The following KCNQ5 variants were observed in gnomAD, a reference collection of about 807,000 sequenced individuals.
The protein encoded by KCNQ5 is potassium voltage-gated channel subfamily KQT member 5.
In KCNQ5, 30 loss-of-function variants were observed where a neutral mutation model predicts 98.2. That is an observed-to-expected ratio of 0.31 (90% CI 0.23 to 0.41). KCNQ5 has a LOEUF of 0.41. Among genes scored for constraint, KCNQ5 ranks in the 10% least tolerant of loss-of-function variants. The pLI is 1.00. For synonymous variants in KCNQ5, 458 were observed against 449.4 expected (o/e 1.02, Z -0.24); for missense variants, 835 against 1,182.5 (o/e 0.71, Z 4.31).
chr6:72,956,650 C>T (rs549547111), intron 1 of KCNQ5, among the ~76,000 whole-genome samples: 2 of 151,336 alleles, frequency 1.3e-5, no homozygotes, highest in South Asian at 2.1e-4. Context: ...AAACTATCCT[C>T]CCACCTCCAC....
In KCNQ5 at chr6:73,078,377, A is replaced by T. The variant is rs988850775; in HGVS notation, c.918+490A>T. 2.0e-5 allele frequency among the ~76,000 whole-genome samples: 3 copies of T among 152,230 alleles called. No individual in the cohort carries two copies. In the East Asian group the frequency reaches 5.8e-4, roughly 29 times the overall value. On this transcript the variant is annotated intron_variant, in intron 5 of 13. Transcript: ENST00000370398. ...GAGATTATAGTCACCTAATTTCAAAACTTTCCTCTCAAAACCTACTTTTTC... is the reference window on the plus strand; with the variant it reads ...GAGATTATAGTCACCTAATTTCAAATCTTTCCTCTCAAAACCTACTTTTTC...
At chr6:73,087,568 C>T (rs1774041440) in intron 5 of KCNQ5, among the ~76,000 whole-genome samples, 1 of 151,808 alleles carries the variant, frequency 6.6e-6, no homozygotes, top group Admixed American at 6.6e-5. Context: ...GCATTTAAAT[C>T]TATGAGAACA....
chr6:72,963,081 C>A (rs1767451685), intron 1 of KCNQ5, among the ~76,000 whole-genome samples: 1 of 152,102 alleles, frequency 6.6e-6, no homozygotes, highest in African/African-American at 2.4e-5. Flanking sequence ...AGTTAATTTA[C>A]ATATTTACAA....
intron 1 of KCNQ5, among the ~76,000 whole-genome samples, chr6:72,665,164 G>A (rs13208048): frequency 0.37 from 55,503 of 151,604 alleles, 12,411 homozygotes; most frequent in Non-Finnish European, 0.5. Flanking sequence ...CCTGGCCAAC[G>A]TGGTGAAACC....
intron 1 of KCNQ5, among the ~76,000 whole-genome samples, chr6:72,823,099 T>C (rs1333247867): frequency 6.6e-6 from 1 of 152,174 alleles, no homozygotes; most frequent in Non-Finnish European, 1.5e-5. Context: ...TATTTATAGG[T>C]TCCAGGGATT....
intron 5 of KCNQ5, among the ~76,000 whole-genome samples, chr6:73,083,083 G>C (rs1407845597): frequency 1.3e-5 from 2 of 151,936 alleles, no homozygotes; most frequent in East Asian, 3.9e-4. Context: ...TTGAAGAAAA[G>C]GGGTCTCACC....
intron 1 of KCNQ5, among the ~76,000 whole-genome samples, chr6:72,774,298 C>A (rs1773057313): frequency 6.6e-6 from 1 of 152,012 alleles, no homozygotes; most frequent in Non-Finnish European, 1.5e-5. Flanking sequence ...AATATATAAG[C>A]AGATTAGCCT....
chr6:73,123,923 C>A (rs1775844650), intron 8 of KCNQ5, among the ~76,000 whole-genome samples: 1 of 152,190 alleles, frequency 6.6e-6, no homozygotes, highest in Admixed American at 6.5e-5. Flanking sequence ...GGTGCTTAGA[C>A]CTACATTTGC....
chr6:73,029,127 G>A (rs1459198436), intron 2 of KCNQ5, among the ~76,000 whole-genome samples: 1 of 152,172 alleles, frequency 6.6e-6, no homozygotes, highest in Non-Finnish European at 1.5e-5. Flanking sequence ...GTGTATGACA[G>A]CAATAATATT....
intron 11 of KCNQ5, among the ~76,000 whole-genome samples, 200 bp from the exon 12 acceptor site, chr6:73,190,373 T>C (rs1027132597): frequency 5.3e-5 from 8 of 152,228 alleles, no homozygotes; most frequent in African/African-American, 1.7e-4. Context: ...TTTCTATTCT[T>C]AAGGTGTTGT....
intron 1 of KCNQ5, among the ~76,000 whole-genome samples, chr6:72,745,062 A>C (rs1443697206): frequency 6.6e-6 from 1 of 152,224 alleles, no homozygotes; most frequent in Non-Finnish European, 1.5e-5. Context: ...AAGGCTATTA[A>C]TGACTACATT....
intron 2 of KCNQ5, among the ~76,000 whole-genome samples, chr6:73,038,353 T>TGC (rs1771534585): frequency 6.6e-6 from 1 of 151,864 alleles, no homozygotes; most frequent in Admixed American, 6.6e-5. Context: ...ACTGCATGTT[T>TGC]TTTTTTTCTT....
At chr6:72,990,262 C>A (rs1769025248) in intron 1 of KCNQ5, among the ~76,000 whole-genome samples, 1 of 88,734 alleles carries the variant, frequency 1.1e-5, no homozygotes, top group Non-Finnish European at 2.2e-5. Context: ...TGGCCATTTT[C>A]ACGATATTGA....
At chr6:72,659,029 C>T (rs911819121) in intron 1 of KCNQ5, among the ~76,000 whole-genome samples, 2 of 152,074 alleles carry the variant, frequency 1.3e-5, no homozygotes, top group East Asian at 1.9e-4. Context: ...AGCAGTTAGG[C>T]GGATATTGTA....
intron 5 of KCNQ5, among the ~76,000 whole-genome samples, chr6:73,097,135 T>C (rs1278322301): frequency 2.6e-5 from 1 of 38,574 alleles, no homozygotes; most frequent in Non-Finnish European, 1.2e-4. Context: ...CACTGTGCAA[T>C]AGATCTCATA....
intron 1 of KCNQ5, among the ~76,000 whole-genome samples, chr6:72,909,695 C>T (rs1226415479): frequency 6.6e-6 from 1 of 152,276 alleles, no homozygotes; most frequent in South Asian, 2.1e-4. Flanking sequence ...CCTCACTCAT[C>T]ATGTGCCTAT....
intron 10 of KCNQ5, among the ~76,000 whole-genome samples, chr6:73,139,358 G>T (rs535362941): frequency 6.6e-6 from 1 of 152,330 alleles, no homozygotes; most frequent in South Asian, 2.1e-4. Context: ...ATGATCAAGT[G>T]TGGGGGGAAG....
At chr6:73,149,653 T>C (rs977875356) in intron 10 of KCNQ5, among the ~76,000 whole-genome samples, 1 of 152,020 alleles carries the variant, frequency 6.6e-6, no homozygotes, top group Non-Finnish European at 1.5e-5. Context: ...AAAAATTAGC[T>C]GGGCGATGTG....
intron 1 of KCNQ5, among the ~76,000 whole-genome samples, chr6:72,706,332 A>G (rs1193902543): frequency 8.5e-6 from 1 of 117,142 alleles, no homozygotes; most frequent in Non-Finnish European, 1.7e-5. Context: ...TTAATATTTT[A>G]TATTTAATAT....
Sources: allele counts gnomAD v4.1 joint callset (sites outside exome capture counted in the v4.1 genomes callset), GRCh38; gene constraint gnomAD v4.1.1; transcripts MANE v1.5; gene names NCBI Gene and HGNC (gene_info 2026-07-23, HGNC 2026-07-21).